The following ZFAND3 variants were observed in gnomAD, a reference collection of about 807,000 sequenced individuals.
ZFAND3 encodes AN1-type zinc finger protein 3.
In ZFAND3, 10 loss-of-function variants were observed where a neutral mutation model predicts 29.6. That is an observed-to-expected ratio of 0.34 (90% CI 0.21 to 0.57). The LOEUF is 0.57. Ranked by LOEUF, ZFAND3 falls within the 20% of genes least tolerant of loss-of-function variation. ZFAND3 has a pLI of 0.86. For synonymous variants in ZFAND3, 128 were observed against 112.6 expected (o/e 1.14, Z -0.87); for missense variants, 230 against 304.5 (o/e 0.76, Z 1.82).
chr6:37,992,051 T>C (rs910384554), intron 2 of ZFAND3, among the ~76,000 whole-genome samples: 1 of 152,222 alleles, frequency 6.6e-6, no homozygotes, highest in Non-Finnish European at 1.5e-5. Flanking sequence ...TGAAAATACT[T>C]TATTCTTGCT....
intron 2 of ZFAND3, among the ~76,000 whole-genome samples, chr6:37,994,539 A>G (rs1762816177): frequency 6.6e-6 from 1 of 152,054 alleles, no homozygotes; most frequent in African/African-American, 2.4e-5. Flanking sequence ...AACATTTTTC[A>G]TTGTTTTGAC....
At chr6:37,948,185 A>G (rs1332475044) in intron 2 of ZFAND3, among the ~76,000 whole-genome samples, 1 of 152,218 alleles carries the variant, frequency 6.6e-6, no homozygotes, top group Non-Finnish European at 1.5e-5. Flanking sequence ...AGTAACAGAG[A>G]GGGATAGTGA....
chr6:38,104,636 G>A (rs1244578402), intron 4 of ZFAND3, among the ~76,000 whole-genome samples: 1 of 152,134 alleles, frequency 6.6e-6, no homozygotes, highest in East Asian at 1.9e-4. Flanking sequence ...AATCCAGAGA[G>A]TTAGCAGGAG....
chr6:38,030,094 A>G (rs1763529280), intron 2 of ZFAND3, among the ~76,000 whole-genome samples: 1 of 80,132 alleles, frequency 1.2e-5, no homozygotes, highest in South Asian at 4.0e-4. Flanking sequence ...ATATATATAT[A>G]TATATATAGC....
At chr6:38,113,092 G>T (rs999923786) in intron 4 of ZFAND3, among the ~76,000 whole-genome samples, 2 of 152,194 alleles carry the variant, frequency 1.3e-5, no homozygotes, top group African/African-American at 4.8e-5. Context: ...CTAGGGAAGG[G>T]TAAGTGGGCA....
intron 5 of ZFAND3, among the ~76,000 whole-genome samples, chr6:38,122,499 C>T (rs1765555086): frequency 6.6e-6 from 1 of 152,102 alleles, no homozygotes; most frequent in Admixed American, 6.6e-5. Context: ...CTGGATTTAG[C>T]CAGTGGAAGT....
At position 38,119,255 on chromosome 6, in the gene ZFAND3, G is replaced by C. The variant is rs1293587365; in HGVS notation, c.529+2516G>C. Among the ~76,000 whole-genome samples the C allele has an allele frequency of 1.3e-5, 2 of 152,128 alleles. 1 individual carries two copies. Among genetic ancestry groups the C allele is most frequent in the African/African-American group, 4.8e-5 (2 of 41,422 alleles). On this transcript the variant is annotated intron_variant, in intron 5 of 5. Coordinates refer to ENST00000287218, the MANE Select transcript of ZFAND3 (RefSeq NM_021943.3). ...CCTGCTTGGATCTCTCTAGGAAAGGGTGAGTTGTACTGTTATTTCCTTGAG... is the reference window on the plus strand; with the variant it reads ...CCTGCTTGGATCTCTCTAGGAAAGGCTGAGTTGTACTGTTATTTCCTTGAG...
chr6:37,872,875 C>G (rs1395846600), intron 1 of ZFAND3, among the ~76,000 whole-genome samples: 5 of 152,246 alleles, frequency 3.3e-5, no homozygotes, highest in Non-Finnish European at 5.9e-5. Context: ...GTATGCATTT[C>G]TGCAACCTTA....
At chr6:37,854,174 C>A (rs1319690790) in intron 1 of ZFAND3, among the ~76,000 whole-genome samples, 1 of 152,146 alleles carries the variant, frequency 6.6e-6, no homozygotes, top group Non-Finnish European at 1.5e-5. Context: ...TGGTCTCGAA[C>A]TCCTGACCTC....
chr6:37,837,155 GTATA>G (rs1036877681), intron 1 of ZFAND3, among the ~76,000 whole-genome samples: 2 of 152,130 alleles, frequency 1.3e-5, no homozygotes, highest in Admixed American at 6.6e-5. Flanking sequence ...GAAAAGCTCA[GTATA>G]TATATAGGAA....
intron 1 of ZFAND3, among the ~76,000 whole-genome samples, chr6:37,907,919 G>C (rs1324741041): frequency 4.6e-5 from 7 of 152,156 alleles, no homozygotes; most frequent in Admixed American, 3.3e-4. Context: ...TCCTAAGAAT[G>C]AGAACATTCA....
chr6:38,071,207 C>T (rs1764448450), intron 3 of ZFAND3, among the ~76,000 whole-genome samples: 2 of 151,890 alleles, frequency 1.3e-5, no homozygotes, highest in South Asian at 4.2e-4. Context: ...ATTTGAGTGC[C>T]TTGTATTCAT....
At chr6:37,910,872 G>T (rs1228532089) in intron 1 of ZFAND3, among the ~76,000 whole-genome samples, 1 of 152,146 alleles carries the variant, frequency 6.6e-6, no homozygotes, top group East Asian at 1.9e-4. Flanking sequence ...ACAAATGAAA[G>T]AATTTCCTTC....
chr6:38,114,488 A>G (rs1395977321), intron 4 of ZFAND3, among the ~76,000 whole-genome samples: 3 of 152,254 alleles, frequency 2.0e-5, no homozygotes. Flanking sequence ...AATTGTTTTC[A>G]TCAGAGTCCT....
intron 2 of ZFAND3, among the ~76,000 whole-genome samples, chr6:38,000,223 T>C (rs2127439132): frequency 6.6e-6 from 1 of 152,286 alleles, no homozygotes; most frequent in East Asian, 1.9e-4. Flanking sequence ...TTGATATTGA[T>C]CATTTGCGAG....
chr6:37,869,299 G>A (rs973104833), intron 1 of ZFAND3, among the ~76,000 whole-genome samples: 1 of 152,070 alleles, frequency 6.6e-6, no homozygotes, highest in Admixed American at 6.6e-5. Flanking sequence ...GAGTAGCTGG[G>A]ATTACAGGCG....
chr6:38,018,626 C>T (rs1044069109), intron 2 of ZFAND3, among the ~76,000 whole-genome samples: 1 of 152,216 alleles, frequency 6.6e-6, no homozygotes, highest in African/African-American at 2.4e-5. Flanking sequence ...GGTACCAATG[C>T]TCATTCTTTT....
At chr6:38,052,462 G>C (rs1460675705) in intron 2 of ZFAND3, among the ~76,000 whole-genome samples, 3 of 152,162 alleles carry the variant, frequency 2.0e-5, no homozygotes, top group African/African-American at 4.8e-5. Context: ...GTCTGTAAGA[G>C]AATTAATATT....
chr6:38,080,137 C>T (rs971469348), intron 3 of ZFAND3, among the ~76,000 whole-genome samples: 48 of 150,984 alleles, frequency 3.2e-4, no homozygotes, highest in African/African-American at 8.7e-4. Context: ...AGGGGAACAT[C>T]ACACACCAGA....
Sources: gnomAD v4.1 joint callset for allele counts (sites outside exome capture counted in the v4.1 genomes callset) on GRCh38, gnomAD v4.1.1 for gene constraint, MANE v1.5 for transcripts, NCBI Gene and HGNC (gene_info 2026-07-23, HGNC 2026-07-21) for gene names.